DSCAM: variants seen among roughly 807,000 people sequenced by gnomAD.
DSCAM encodes the protein cell adhesion molecule DSCAM.
DSCAM carries 47 observed loss-of-function variants against 217.7 expected under a neutral mutation model. The ratio of observed to expected loss-of-function variants is 0.22; its 90% CI spans 0.17 to 0.28. DSCAM has a LOEUF of 0.28. DSCAM is among the 10% of genes least tolerant of loss of function. The pLI, the probability that DSCAM is intolerant of heterozygous loss-of-function variation, is 1.00. For missense variants in DSCAM, 2,080 were observed against 2,618.3 expected (o/e 0.79, Z 4.49); for synonymous variants, 1,056 against 1,015.3 (o/e 1.04, Z -0.76).
At chr21:40,607,753 T>C (rs775459976) in intron 3 of DSCAM, among the ~76,000 whole-genome samples, 1 of 152,214 alleles carries the variant, frequency 6.6e-6, no homozygotes, top group Non-Finnish European at 1.5e-5. Flanking sequence ...CCTTCTGCCA[T>C]GAGTGTGAGG....
chr21:40,087,056 A>G, intron 22 of DSCAM, 114 bp downstream of exon 22: 1 of 772,446 alleles, frequency 1.3e-6, no homozygotes, highest in South Asian at 1.6e-5. Flanking sequence ...GGTTTCCTTG[A>G]GTTTTCACTA....
In DSCAM at chr21:40,759,105, A is replaced by C. The variant is rs540041115; in HGVS notation, c.44-50334T>G. 9.9e-5 allele frequency among the ~76,000 whole-genome samples: 15 copies of C among 152,228 alleles called. No individual in the cohort carries two copies. In the East Asian group the frequency reaches 2.9e-3, roughly 30 times the overall value. The stretch of plus-strand genomic sequence containing the variant: ...AAAGGAGAGGGAGAGAAGGGTAGAG[A>C]GAAGGGACACATAGCTCCTCCCAGC... On this transcript the variant is annotated intron_variant, in intron 1 of 32. Coordinates refer to ENST00000400454, the MANE Select transcript of DSCAM (RefSeq NM_001389.5).
chr21:40,567,343 A>T (rs2076772423), intron 3 of DSCAM, among the ~76,000 whole-genome samples: 1 of 152,172 alleles, frequency 6.6e-6, no homozygotes, highest in African/African-American at 2.4e-5. Flanking sequence ...CTTCCTTGCT[A>T]AGACGAAGGA....
intron 27 of DSCAM, among the ~76,000 whole-genome samples, chr21:40,070,249 GGAAGGAGGGAGGGAGGGAGGGAGT>G (rs1229368876): frequency 4.3e-5 from 6 of 140,978 alleles, no homozygotes; most frequent in African/African-American, 5.1e-5. Flanking sequence ...AGGAAGGTAG[GGAAGGAGGGAGGGAGGGAGGGAGT>G]GAAGGAGGGA....
intron 3 of DSCAM, among the ~76,000 whole-genome samples, chr21:40,686,161 T>A (rs533956323): frequency 6.6e-5 from 9 of 136,292 alleles, no homozygotes; most frequent in Admixed American, 4.2e-4. Flanking sequence ...CCTGCATATA[T>A]CACACACACA....
intron 3 of DSCAM, among the ~76,000 whole-genome samples, chr21:40,667,617 G>A (rs2090219337): frequency 6.6e-6 from 1 of 152,082 alleles, no homozygotes; most frequent in Non-Finnish European, 1.5e-5. Context: ...CAGGTGGGAG[G>A]TAATTGAATC....
intron 6 of DSCAM, among the ~76,000 whole-genome samples, chr21:40,340,465 CAGA>C (rs1263212852): frequency 9.2e-5 from 14 of 152,112 alleles, no homozygotes; most frequent in African/African-American, 1.4e-4. Flanking sequence ...GTATGAAAAT[CAGA>C]AGAAAAGTTA....
At chr21:40,289,659 A>G (rs1348701531) in intron 10 of DSCAM, among the ~76,000 whole-genome samples, 1 of 152,180 alleles carries the variant, frequency 6.6e-6, no homozygotes, top group Non-Finnish European at 1.5e-5. Context: ...ATTTTTGTCA[A>G]TCTCTTACTG....
At chr21:40,100,059 C>G (rs970190691) in intron 20 of DSCAM, among the ~76,000 whole-genome samples, 2 of 152,268 alleles carry the variant, frequency 1.3e-5, no homozygotes, top group South Asian at 2.1e-4. Flanking sequence ...CTGGTTGACC[C>G]TAGAGGACAG....
chr21:40,628,819 C>T (rs1422574792), intron 3 of DSCAM, among the ~76,000 whole-genome samples: 3 of 152,140 alleles, frequency 2.0e-5, no homozygotes, highest in Non-Finnish European at 4.4e-5. Flanking sequence ...GCGATCTCAG[C>T]TCACTGCAAC....
chr21:40,846,237 T>G (rs965157134), intron 1 of DSCAM, among the ~76,000 whole-genome samples: 1 of 152,116 alleles, frequency 6.6e-6, no homozygotes, highest in Non-Finnish European at 1.5e-5. Context: ...TCCACTTGCG[T>G]GCACTTGGAA....
intron 11 of DSCAM, among the ~76,000 whole-genome samples, chr21:40,275,734 A>G (rs534290654): frequency 4.6e-5 from 7 of 152,312 alleles, no homozygotes; most frequent in Admixed American, 1.3e-4. Flanking sequence ...GAGACCATGT[A>G]TTGAGTTTTT....
At chr21:40,158,337 C>A (rs748090894) in intron 16 of DSCAM, among the ~76,000 whole-genome samples, 1 of 151,958 alleles carries the variant, frequency 6.6e-6, no homozygotes. Flanking sequence ...CTGCAGTGAG[C>A]CAGGATGGTG....
chr21:40,780,423 G>GTGTGTATATATATATATATA lies in DSCAM; in HGVS notation c.43+66195_43+66196insTATATATATATATATACACA, dbSNP rs1007015659. ...CGTGTGTGTGTGTGTGTGTGTGTGTGTATATATATATATATATATATATAT... is the reference window on the plus strand; with the variant it reads ...CGTGTGTGTGTGTGTGTGTGTGTGTGTGTGTATATATATATATATATATATATATATATATATATATATAT... On this transcript the variant is annotated intron_variant, in intron 1 of 32. Transcript: ENST00000400454. Among the ~76,000 whole-genome samples the GTGTGTATATATATATATATA allele has an allele frequency of 9.7e-3, 545 of 56,164 alleles. 4 individuals are homozygous for GTGTGTATATATATATATATA. The highest frequency in any genetic ancestry group is 0.016 in the African/African-American group (210 of 12,960). 36.8% of individuals were successfully genotyped at this position (56,164 alleles called of 152,430 possible).
intron 3 of DSCAM, among the ~76,000 whole-genome samples, chr21:40,447,742 G>A (rs1378463413): frequency 1.3e-5 from 2 of 152,186 alleles, no homozygotes; most frequent in African/African-American, 4.8e-5. Flanking sequence ...GCACATTTCT[G>A]TTGGTGGTGA....
chr21:40,285,337 G>T (rs1443746078), intron 10 of DSCAM, among the ~76,000 whole-genome samples: 3 of 152,204 alleles, frequency 2.0e-5, no homozygotes, highest in Non-Finnish European at 4.4e-5. Flanking sequence ...AAGGCTTCCA[G>T]AAAGTTTCCC....
chr21:40,707,106 C>G (rs2090726118), intron 2 of DSCAM, among the ~76,000 whole-genome samples: 3 of 152,202 alleles, frequency 2.0e-5, no homozygotes, highest in African/African-American at 2.4e-5. Context: ...CATTTCATTC[C>G]TTTATCTGAC....
At chr21:40,033,565 G>C (rs566576320) in intron 32 of DSCAM, among the ~76,000 whole-genome samples, 1 of 151,548 alleles carries the variant, frequency 6.6e-6, no homozygotes, top group Non-Finnish European at 1.5e-5. Flanking sequence ...AGCAGTCTGA[G>C]ATCAAACTGC....
intron 27 of DSCAM, among the ~76,000 whole-genome samples, chr21:40,072,450 G>A (rs528566752): frequency 2.0e-5 from 3 of 151,666 alleles, no homozygotes; most frequent in East Asian, 2.0e-4. Context: ...AGGTTCAAGC[G>A]ATTCTCCTGC....
Sources: allele counts gnomAD v4.1 joint callset (sites outside exome capture counted in the v4.1 genomes callset), GRCh38; gene constraint gnomAD v4.1.1; transcripts MANE v1.5; gene names NCBI Gene and HGNC (gene_info 2026-07-23, HGNC 2026-07-21).